Variants in PPP6R3 observed in about 807,000 individuals in gnomAD.
The protein encoded by PPP6R3 is serine/threonine-protein phosphatase 6 regulatory subunit 3.
A neutral mutation model predicts 110.7 loss-of-function variants in PPP6R3; 38 were observed. That is an observed-to-expected ratio of 0.34 (90% CI 0.26 to 0.45). PPP6R3 has a LOEUF of 0.45. PPP6R3 is among the 20% of genes least tolerant of loss of function. PPP6R3 has a pLI of 1.00. For missense variants in PPP6R3, 870 were observed against 1,062.4 expected (o/e 0.82, Z 2.52); for synonymous variants, 369 against 373.5 (o/e 0.99, Z 0.14).
chr11:68,552,775 G>A (rs2099386055), intron 6 of PPP6R3, among the ~76,000 whole-genome samples: 1 of 152,204 alleles, frequency 6.6e-6, no homozygotes, highest in Non-Finnish European at 1.5e-5. Flanking sequence ...TTGAGCAGAG[G>A]AACTTGATTG....
At chr11:68,492,447 C>G (rs968086576) in intron 1 of PPP6R3, among the ~76,000 whole-genome samples, 1 of 152,226 alleles carries the variant, frequency 6.6e-6, no homozygotes, top group Non-Finnish European at 1.5e-5. Flanking sequence ...CTGCGCCTGA[C>G]TAGAATTTCC....
intron 22 of PPP6R3, among the ~76,000 whole-genome samples, chr11:68,606,984 A>G (rs747326252): frequency 6.6e-6 from 1 of 152,226 alleles, no homozygotes; most frequent in African/African-American, 2.4e-5. Context: ...GTATTATTCC[A>G]AAATACATCA....
chr11:68,595,823 A>T (rs1036011207), intron 18 of PPP6R3, among the ~76,000 whole-genome samples: 1 of 152,218 alleles, frequency 6.6e-6, no homozygotes, highest in African/African-American at 2.4e-5. Context: ...CAGTGAAATG[A>T]ACACCTCCAC....
chr11:68,553,507 G>A (rs1039540753), intron 6 of PPP6R3, among the ~76,000 whole-genome samples: 1 of 152,042 alleles, frequency 6.6e-6, no homozygotes, highest in African/African-American at 2.4e-5. Flanking sequence ...TGGTCACACT[G>A]GGCTCGAACT....
chr11:68,539,136 T>C (rs2099292993), intron 3 of PPP6R3, among the ~76,000 whole-genome samples: 1 of 152,188 alleles, frequency 6.6e-6, no homozygotes, highest in Non-Finnish European at 1.5e-5. Context: ...AACTAGCATG[T>C]GGGTGGTGCT....
chr11:68,543,721 C>T (rs144482356), intron 3 of PPP6R3, among the ~76,000 whole-genome samples: 5 of 152,266 alleles, frequency 3.3e-5, no homozygotes, highest in Non-Finnish European at 7.4e-5. Flanking sequence ...CTTGTTGGGG[C>T]GCTGGGTCCT....
chr11:68,542,215 C>G (rs1191975825), intron 3 of PPP6R3, among the ~76,000 whole-genome samples: 1 of 151,362 alleles, frequency 6.6e-6, no homozygotes, highest in Non-Finnish European at 1.5e-5. Context: ...AGGGCCACTC[C>G]CCTGGAGCGA....
chr11:68,612,988 T>G (rs747943962), intron 23 of PPP6R3, 78 bp from the exon 24 acceptor site: 3 of 1,609,202 alleles, frequency 1.9e-6, no homozygotes, highest in East Asian at 2.2e-5. Context: ...TCCCTGCCCT[T>G]GGGGAGCTCA....
intron 2 of PPP6R3, among the ~76,000 whole-genome samples, chr11:68,526,654 C>T (rs1179176179): frequency 1.3e-5 from 2 of 152,178 alleles, no homozygotes; most frequent in Non-Finnish European, 2.9e-5. Context: ...CCTCGGTTTC[C>T]TTCATCTCTT....
intron 14 of PPP6R3, among the ~76,000 whole-genome samples, chr11:68,579,692 A>G (rs1025090015): frequency 5.3e-5 from 8 of 152,242 alleles, no homozygotes; most frequent in Non-Finnish European, 1.2e-4. Context: ...GCACTGCATA[A>G]TGTTTCGGTC....
chr11:68,480,022 G>A (rs181943781), intron 1 of PPP6R3, among the ~76,000 whole-genome samples: 16 of 151,388 alleles, frequency 1.1e-4, no homozygotes, highest in African/African-American at 2.9e-4. Flanking sequence ...GTGAATTATC[G>A]CGCCTGGCCT....
chr11:68,525,609 G>A (rs1375026044), intron 2 of PPP6R3, among the ~76,000 whole-genome samples: 6 of 152,158 alleles, frequency 3.9e-5, no homozygotes, highest in Non-Finnish European at 8.8e-5. Context: ...AAGTTTGCTA[G>A]GGAAGGAAGA....
At chr11:68,592,007 C>T (rs887381059) in intron 18 of PPP6R3, among the ~76,000 whole-genome samples, 6 of 152,134 alleles carry the variant, frequency 3.9e-5, no homozygotes, top group African/African-American at 1.4e-4. Context: ...ATAAATGTTC[C>T]GTCATCAGTA....
At chr11:68,540,819 C>G (rs374705056) in intron 3 of PPP6R3, among the ~76,000 whole-genome samples, 1 of 152,164 alleles carries the variant, frequency 6.6e-6, no homozygotes, top group East Asian at 1.9e-4. Context: ...GGCTCTGTTC[C>G]GCCTGGCTCA....
At chr11:68,552,122 G>A (rs1053396220) in intron 6 of PPP6R3, among the ~76,000 whole-genome samples, 3 of 152,198 alleles carry the variant, frequency 2.0e-5, no homozygotes, top group Non-Finnish European at 4.4e-5. Context: ...TCTTGGCCAA[G>A]CCGTATAAAA....
rs12804944 is a variant in PPP6R3 at position 68,506,050 on chromosome 11, T to C, written c.-157-13451T>C. Among the ~76,000 whole-genome samples the C allele has an allele frequency of 3.9e-4, 59 of 150,974 alleles. 1 individual carries two copies. The East Asian group carries it at 5.5e-3, about 14-fold the overall frequency. The stretch of plus-strand genomic sequence containing the variant: ...ACCTGTATGAGATTGTTTCCTTTTT[T>C]CCCCCCGCGTTGTAGGTATCTTGTT... On this transcript the variant is annotated intron_variant, in intron 1 of 23. Transcript: ENST00000393800.
intron 6 of PPP6R3, among the ~76,000 whole-genome samples, chr11:68,552,045 A>T (rs1362990179): frequency 6.6e-6 from 1 of 152,184 alleles, no homozygotes; most frequent in Non-Finnish European, 1.5e-5. Context: ...GTGCTGAGGG[A>T]ATGCCTGTTG....
chr11:68,475,796 G>A (rs1591640977), intron 1 of PPP6R3, among the ~76,000 whole-genome samples: 1 of 151,450 alleles, frequency 6.6e-6, no homozygotes, highest in Non-Finnish European at 1.5e-5. Context: ...GGTGGCTGCC[G>A]GGAGGAGGGG....
Position 68,484,458 on chromosome 11 carries a change from G to GAAC in PPP6R3, c.-158+23632_-158+23633insACA, listed in dbSNP as rs2098933733. Among the ~76,000 whole-genome samples the GAAC allele has an allele frequency of 5.3e-5, 8 of 152,156 alleles. 1 individual carries two copies. In the South Asian group the frequency reaches 1.7e-3, roughly 32 times the overall value. The stretch of plus-strand genomic sequence containing the variant: ...AATTTGCAGTTCCCTAATGATGTAT[G>GAAC]ATGTTGAACATGTTTTCAAATGCTT... On this transcript the variant is annotated intron_variant, in intron 1 of 23. Transcript: ENST00000393800.
Sources: gnomAD v4.1 joint callset for allele counts (sites outside exome capture counted in the v4.1 genomes callset) on GRCh38, gnomAD v4.1.1 for gene constraint, MANE v1.5 for transcripts, NCBI Gene and HGNC (gene_info 2026-07-23, HGNC 2026-07-21) for gene names.